CCDC125: variants seen among roughly 807,000 people sequenced by gnomAD.
CCDC125 encodes coiled-coil domain-containing protein 125.
A neutral mutation model predicts 57.4 loss-of-function variants in CCDC125; 43 were observed. That is an observed-to-expected ratio of 0.75 (90% confidence interval 0.59 to 0.97). The LOEUF (loss-of-function observed/expected upper bound fraction) is 0.97, where lower values mean the gene tolerates loss of function less well. Among genes scored for constraint, CCDC125 ranks in the 50% least tolerant of loss-of-function variants. The pLI is 0.00. For synonymous variants in CCDC125, 187 were observed against 195.2 expected (o/e 0.96, Z 0.35); for missense variants, 563 against 595.7 (o/e 0.95, Z 0.57).
chr5:69,273,291 A>G, the CCDC125 span, among the ~76,000 whole-genome samples: 1 of 151,444 alleles, frequency 6.6e-6, no homozygotes, highest in South Asian at 2.1e-4. Flanking sequence ...ATTTAAATAC[A>G]TGTCTATTTC....
chr5:69,284,677 G>A (rs903148916), intron 11 of CCDC125, among the ~76,000 whole-genome samples: 4 of 152,160 alleles, frequency 2.6e-5, no homozygotes, highest in African/African-American at 9.7e-5. Context: ...TGCAAGTCTA[G>A]AGAGATAAAG....
chr5:69,323,167 G>A (rs1480936420), intron 1 of CCDC125, among the ~76,000 whole-genome samples: 1 of 151,510 alleles, frequency 6.6e-6, no homozygotes, highest in Admixed American at 6.6e-5. Flanking sequence ...AAATTAGCCG[G>A]GCATTGTGGC....
chr5:69,314,300 A>G (rs1372413950), intron 2 of CCDC125, among the ~76,000 whole-genome samples: 1 of 152,070 alleles, frequency 6.6e-6, no homozygotes, highest in African/African-American at 2.4e-5. Context: ...CCCTGTCTCT[A>G]CTAAAAATAC....
At chr5:69,296,830 G>T (rs908271036) in intron 8 of CCDC125, among the ~76,000 whole-genome samples, 1 of 151,676 alleles carries the variant, frequency 6.6e-6, no homozygotes, top group Non-Finnish European at 1.5e-5. Flanking sequence ...TGGGCATGGT[G>T]GTGGGTGCCT....
At chr5:69,288,282 G>T (rs1753837610) in intron 10 of CCDC125, among the ~76,000 whole-genome samples, 1 of 152,146 alleles carries the variant, frequency 6.6e-6, no homozygotes, top group African/African-American at 2.4e-5. Flanking sequence ...GGGGCTGGTT[G>T]CCAGGGGAAC....
intron 6 of CCDC125, among the ~76,000 whole-genome samples, chr5:69,306,252 A>G (rs1480419585): frequency 6.6e-6 from 1 of 152,194 alleles, no homozygotes; most frequent in Admixed American, 6.5e-5. Flanking sequence ...TTTGAAAAAA[A>G]CAAATAGTTC....
At chr5:69,311,334 A>G (rs550802903) in intron 3 of CCDC125, 130 bp from the exon 4 acceptor site, 20 of 553,262 alleles carry the variant, frequency 3.6e-5, no homozygotes, top group African/African-American at 3.5e-4. Flanking sequence ...TTCTAGACTT[A>G]GTGAGTGAAC....
At position 69,294,859 on chromosome 5, in the gene CCDC125, C is replaced by T. The variant is rs1755062066; in HGVS notation, c.858G>A (p.Gly286=). ...CCATTCTGGCACAAGAACAGGGGTT[C>T]CCTCCGGGCCCATGACAAAGGCAGG... ...LGACLCHGPG[G]NPCSCARMAA... is the part of the protein sequence containing the mutation. The change falls in exon 9 of 12, where the codon GGG becomes GGA. Residue 286 remains glycine (G), a synonymous_variant. Transcript: ENST00000396496. 6.2e-7 allele frequency: 1 copy of T among 1,614,140 alleles called. No individual in the cohort carries two copies. Among genetic ancestry groups the T allele is most frequent in the African/African-American group, 1.3e-5 (1 of 75,048 alleles).
chr5:69,295,938 C>T (rs1192122435), intron 8 of CCDC125, among the ~76,000 whole-genome samples: 1 of 149,476 alleles, frequency 6.7e-6, no homozygotes, highest in Non-Finnish European at 1.5e-5. Context: ...GGCTGGAGTG[C>T]AGTGGCGCGA....
intron 5 of CCDC125, 124 bp from the exon 6 acceptor site, chr5:69,307,026 T>C: frequency 8.9e-7 from 1 of 1,128,468 alleles, no homozygotes; most frequent in Non-Finnish European, 1.1e-6. Context: ...AAAAAATTAA[T>C]TATTGCTCTA....
Position 69,281,402 on chromosome 5 carries a change from T to G in CCDC125, c.*1327A>C, listed in dbSNP as rs1164993969. The stretch of plus-strand genomic sequence containing the variant: ...AAAAACTCCTAGAAATCACCTTGGC[T>G]CAGGCAGCTTCTTCAGATTCCTGAG... On this transcript the variant is annotated 3_prime_UTR_variant, in exon 12 of 12. Coordinates refer to ENST00000396496, the MANE Select transcript of CCDC125 (RefSeq NM_176816.5). 1.3e-5 allele frequency: 2 copies of G among 152,072 alleles called. No individual in the cohort carries two copies. The highest frequency in any genetic ancestry group is 4.8e-5 in the African/African-American group (2 of 41,378). 9.4% of individuals were successfully genotyped at this position (152,072 alleles called of 1,614,324 possible). A position where few individuals can be genotyped will look rare whatever the true frequency, so the allele number is the denominator to read the frequency against.
At chr5:69,284,118 TAAA>T (rs372595463) in intron 11 of CCDC125, among the ~76,000 whole-genome samples, 1 of 149,130 alleles carries the variant, frequency 6.7e-6, no homozygotes, top group Non-Finnish European at 1.5e-5. Flanking sequence ...AATAATTTTT[TAAA>T]AAAAAAAACA....
chr5:69,294,960 A>C, intron 8 of CCDC125, 60 bp from the exon 9 acceptor site: 1 of 1,417,586 alleles, frequency 7.1e-7, no homozygotes, highest in South Asian at 1.2e-5. Context: ...GCTGCACACA[A>C]ACACAGGGGC....
intron 7 of CCDC125, among the ~76,000 whole-genome samples, chr5:69,301,378 A>G (rs1415031280): frequency 6.6e-6 from 1 of 152,116 alleles, no homozygotes; most frequent in Non-Finnish European, 1.5e-5. Flanking sequence ...TCACACCTGT[A>G]ATCCCAGCAC....
intron 2 of CCDC125, among the ~76,000 whole-genome samples, chr5:69,314,963 G>A (rs1375728224): frequency 6.6e-6 from 1 of 152,028 alleles, no homozygotes. Flanking sequence ...AAATATGTAA[G>A]AAATAACTTT....
chr5:69,280,064 C>A (rs1752391119), downstream of CCDC125: 1 of 152,102 alleles, frequency 6.6e-6, no homozygotes, highest in Non-Finnish European at 1.5e-5. Context: ...CAGTCACCTA[C>A]CACCAAGTCC....
At chr5:69,285,632 G>A (rs1463029768) in intron 10 of CCDC125, among the ~76,000 whole-genome samples, 165 bp from the exon 11 acceptor site, 2 of 152,220 alleles carry the variant, frequency 1.3e-5, no homozygotes, top group Non-Finnish European at 2.9e-5. Flanking sequence ...GCAGGTGAGA[G>A]GCAGCAAGAG....
chr5:69,331,690 A>G (rs576929667), intron 1 of CCDC125, among the ~76,000 whole-genome samples: 1 of 152,232 alleles, frequency 6.6e-6, no homozygotes, highest in African/African-American at 2.4e-5. Flanking sequence ...ACTTGCTCCC[A>G]GGGCTCCTCC....
chr5:69,303,782 A>T, intron 7 of CCDC125, 65 bp downstream of exon 7: 1 of 930,314 alleles, frequency 1.1e-6, no homozygotes, highest in South Asian at 1.4e-5. Flanking sequence ...AATGTATATT[A>T]TTTCAAAATA....
Sources: gnomAD v4.1 joint callset for allele counts (sites outside exome capture counted in the v4.1 genomes callset) on GRCh38, gnomAD v4.1.1 for gene constraint, MANE v1.5 for transcripts, NCBI Gene and HGNC (gene_info 2026-07-23, HGNC 2026-07-21) for gene names.